ARHGEF17: variants seen among roughly 807,000 people sequenced by gnomAD.
The protein encoded by ARHGEF17 is Rho guanine nucleotide exchange factor 17.
A neutral mutation model predicts 174.0 loss-of-function variants in ARHGEF17; 80 were observed. That is an observed-to-expected ratio of 0.46 (90% CI 0.38 to 0.55). ARHGEF17 has a LOEUF of 0.55. Ranked by LOEUF, ARHGEF17 falls within the 20% of genes least tolerant of loss-of-function variation. ARHGEF17 has a pLI of 0.00. For synonymous variants in ARHGEF17, 1,311 were observed against 1,189.1 expected (o/e 1.10, Z -2.11); for missense variants, 2,886 against 2,839.7 (o/e 1.02, Z -0.37).
chr11:73,355,561 A>G lies in ARHGEF17; in HGVS notation c.3482A>G (p.Tyr1161Cys). The change falls in exon 4 of 21, where the codon TAT becomes TGT. Residue 1161 changes from tyrosine to cysteine, a missense_variant. By Grantham distance (194) the Tyr-to-Cys change is radical. Coordinates refer to ENST00000263674, the MANE Select transcript of ARHGEF17 (RefSeq NM_014786.4). Reference sequence around the variant, plus strand: ...TCCAAGGATGTCCTAGTAAACATCTATTCTGCCTATATCGATAACTTCCTC... The same window carrying G: ...TCCAAGGATGTCCTAGTAAACATCTGTTCTGCCTATATCGATAACTTCCTC... ...SFSKDVLVNI[Y>C]SAYIDNFLNA... 2 of 1,614,166 alleles carry G rather than the reference A, an allele frequency of 1.2e-6. No homozygotes were observed. The highest frequency in any genetic ancestry group is 1.7e-6 in the Non-Finnish European group (2 of 1,179,976).
intron 1 of ARHGEF17, among the ~76,000 whole-genome samples, chr11:73,312,095 A>G (rs576790497): frequency 6.6e-6 from 1 of 152,266 alleles, no homozygotes; most frequent in Admixed American, 6.5e-5. Flanking sequence ...TGGTAATTAC[A>G]AAGGATTCTT....
At chr11:73,333,204 C>T (rs935840033) in intron 1 of ARHGEF17, among the ~76,000 whole-genome samples, 5 of 152,238 alleles carry the variant, frequency 3.3e-5, no homozygotes, top group Admixed American at 2.0e-4. Flanking sequence ...TTTTAAAGGC[C>T]GAAACTCTAG....
chr11:73,352,365 A>T (rs941413866), intron 2 of ARHGEF17, among the ~76,000 whole-genome samples: 3 of 152,184 alleles, frequency 2.0e-5, no homozygotes, highest in African/African-American at 7.2e-5. Flanking sequence ...ATGATATTTT[A>T]AAAAATTTCT....
intron 3 of ARHGEF17, among the ~76,000 whole-genome samples, chr11:73,354,346 G>A (rs547295672): frequency 3.3e-5 from 5 of 152,330 alleles, no homozygotes; most frequent in African/African-American, 9.6e-5. Context: ...TGGTTGGTGA[G>A]GGTTGTCTTC....
chr11:73,316,052 C>T (rs967029354), intron 1 of ARHGEF17, among the ~76,000 whole-genome samples: 4 of 152,008 alleles, frequency 2.6e-5, no homozygotes, highest in Non-Finnish European at 5.9e-5. Context: ...GAAGCCAACT[C>T]GAAGGGGCTT....
intron 1 of ARHGEF17, among the ~76,000 whole-genome samples, chr11:73,344,007 C>T (rs1034245121): frequency 1.3e-5 from 2 of 152,312 alleles, no homozygotes; most frequent in South Asian, 2.1e-4. Context: ...ACACTGTGCC[C>T]GTCAGGGTTT....
In ARHGEF17 at chr11:73,311,489, C is replaced by G. The variant is rs113911296; in HGVS notation, c.2851C>G (p.Arg951Gly). The G allele has an allele frequency of 2.5e-6, 4 of 1,613,166 alleles. No homozygotes were observed. Among genetic ancestry groups the G allele is most frequent in the Non-Finnish European group, 3.4e-6 (4 of 1,180,042 alleles). ...CCAGACTGGCAGCCTGTCTCGGGCC[C>G]GGCCCTCCTCCAGACACGTTCGCCA... ...QDQTGSLSRA[R>G]PSSRHVRHAS... The change falls in exon 1 of 21, where the codon CGG becomes GGG. Residue 951 changes from arginine to glycine, a missense_variant. Around this residue, in one of 4 missense-constraint regions of ARHGEF17, gnomAD observed 1,728 missense variants for 1,461.2 expected, o/e 1.18. Coordinates refer to ENST00000263674, the MANE Select transcript of ARHGEF17 (RefSeq NM_014786.4).
rs1032482804 is a variant in ARHGEF17, at chr11:73,367,805, C to T, written c.*25C>T. 6.9e-6 allele frequency: 11 copies of T among 1,586,174 alleles called. No individual in the cohort carries two copies. The Admixed American group carries it at 8.5e-5, about 12-fold the overall frequency. On this transcript the variant is annotated 3_prime_UTR_variant, in exon 21 of 21. Coordinates refer to ENST00000263674, the MANE Select transcript of ARHGEF17 (RefSeq NM_014786.4). ...ACCCTGTCTGCCGTGGCCCAGGACT[C>T]GCCCGCCCACCTGCCTTCAGCCTGC...
In ARHGEF17 at chr11:73,315,221, AC is replaced by A. The variant is rs113822887; in HGVS notation, c.3192+3392del. 1.1e-3 allele frequency among the ~76,000 whole-genome samples: 165 copies of A among 152,316 alleles called. 1 individual carries two copies. The highest frequency in any genetic ancestry group is 3.8e-3 in the African/African-American group (160 of 41,560). ...GCAGACAGTTGGGAGTGTCACCTCCACATCCCCAACAGCCTGAACACTTTCA... is the reference window on the plus strand; with the variant it reads ...GCAGACAGTTGGGAGTGTCACCTCCAATCCCCAACAGCCTGAACACTTTCA... On this transcript the variant is annotated intron_variant, in intron 1 of 20. Transcript: ENST00000263674.
chr11:73,336,272 A>G (rs1026725472), intron 1 of ARHGEF17, among the ~76,000 whole-genome samples: 2 of 152,224 alleles, frequency 1.3e-5, no homozygotes, highest in African/African-American at 4.8e-5. Context: ...ACAGGAATAC[A>G]TAACTCAGAG....
intron 2 of ARHGEF17, among the ~76,000 whole-genome samples, chr11:73,348,844 G>T (rs889236692): frequency 1.3e-5 from 2 of 152,186 alleles, no homozygotes; most frequent in Non-Finnish European, 2.9e-5. Context: ...GAACACAGAA[G>T]GGGGCCTACC....
At position 73,348,253 on chromosome 11, in the gene ARHGEF17, G is replaced by A. The variant is rs189920769; in HGVS notation, c.3270+1293G>A. Among the ~76,000 whole-genome samples the A allele has an allele frequency of 1.0e-3, 157 of 152,224 alleles. 3 individuals carry two copies. Among genetic ancestry groups the A allele is most frequent in the African/African-American group, 3.4e-3 (143 of 41,514 alleles). On this transcript the variant is annotated intron_variant, in intron 2 of 20. Transcript: ENST00000263674. Reference sequence around the variant, plus strand: ...TCATTCACTCACTCCACAAATCCACGGTGAGCCCCTTCTGCGCTCCAGGTA... The same window carrying A: ...TCATTCACTCACTCCACAAATCCACAGTGAGCCCCTTCTGCGCTCCAGGTA...
rs1439384535 is a variant in ARHGEF17 at position 73,308,693 on chromosome 11, C to T, written c.55C>T (p.Leu19=). 4 of 1,517,524 alleles carry T rather than the reference C, an allele frequency of 2.6e-6. No homozygotes were observed. Among genetic ancestry groups the T allele is most frequent in the Non-Finnish European group, 2.6e-6 (3 of 1,136,130 alleles). 94.0% of individuals were successfully genotyped at this position (1,517,524 alleles called of 1,614,324 possible). The change falls in exon 1 of 21, where the codon CTG becomes TTG. Residue 19 remains leucine, a synonymous_variant. Coordinates refer to ENST00000263674, the MANE Select transcript of ARHGEF17 (RefSeq NM_014786.4). ...TTACCGCAGCGTCTCGTTCAAGCTG[C>T]TGGAGCGCTGGAGCGGCGGCCCCGG... ...QLYRSVSFKL[L]ERWSGGPGLR... is the part of the protein sequence containing the mutation.
At chr11:73,347,292 G>T in intron 2 of ARHGEF17, 1 of 428,704 alleles carries the variant, frequency 2.3e-6, no homozygotes, top group East Asian at 5.2e-5. Context: ...TTCACTGACT[G>T]GGAAGTATGA....
chr11:73,316,940 T>C (rs1864937943), intron 1 of ARHGEF17, among the ~76,000 whole-genome samples: 1 of 152,034 alleles, frequency 6.6e-6, no homozygotes, highest in African/African-American at 2.4e-5. Flanking sequence ...CAGGCAGAGA[T>C]GGTGGAGTGG....
chr11:73,360,841 A>G (rs1000681480), intron 11 of ARHGEF17, among the ~76,000 whole-genome samples: 39 of 152,202 alleles, frequency 2.6e-4, no homozygotes, highest in Admixed American at 1.3e-4. Flanking sequence ...GGATCAGGGA[A>G]AGCGATTGAT....
At chr11:73,337,406 GAAA>G (rs199793636) in intron 1 of ARHGEF17, among the ~76,000 whole-genome samples, 1 of 48,164 alleles carries the variant, frequency 2.1e-5, no homozygotes, top group African/African-American at 6.8e-5. Flanking sequence ...CCTGTCTCAA[GAAA>G]AAAAAAAAAA....
At chr11:73,314,343 T>G (rs1255067770) in intron 1 of ARHGEF17, among the ~76,000 whole-genome samples, 3 of 151,980 alleles carry the variant, frequency 2.0e-5, no homozygotes, top group African/African-American at 7.3e-5. Flanking sequence ...CCCCCCAGGC[T>G]GTAGGGAGTC....
chr11:73,336,327 C>T (rs1323111553), intron 1 of ARHGEF17, among the ~76,000 whole-genome samples: 1 of 152,202 alleles, frequency 6.6e-6, no homozygotes, highest in Non-Finnish European at 1.5e-5. Context: ...GAAACAGTGC[C>T]TCACTAAACA....
Sources: gnomAD v4.1 joint callset for allele counts (sites outside exome capture counted in the v4.1 genomes callset) on GRCh38, gnomAD v4.1.1 for gene constraint, gnomAD v4.1.1 regional missense constraint, MANE v1.5 for transcripts, NCBI Gene and HGNC (gene_info 2026-07-23, HGNC 2026-07-21) for gene names.